The following SYT16 variants were observed in gnomAD, a reference collection of about 807,000 sequenced individuals.
SYT16 encodes synaptotagmin-16.
In SYT16, 42 loss-of-function variants were observed where a neutral mutation model predicts 61.4. The observed-to-expected ratio is 0.68, with a 90% CI of 0.53 to 0.89. The LOEUF is 0.89. Among genes scored for constraint, SYT16 ranks in the 40% least tolerant of loss-of-function variants. The probability of loss-of-function intolerance (pLI) is 0.00; values close to 1 mark genes in which losing one functional copy is unlikely to be tolerated. For synonymous variants in SYT16, 314 were observed against 302.3 expected (o/e 1.04, Z -0.40); for missense variants, 804 against 807.3 (o/e 1.00, Z 0.05).
chr14:61,897,826 C>T (rs2048376688), intron 1 of SYT16, among the ~76,000 whole-genome samples: 1 of 152,034 alleles, frequency 6.6e-6, no homozygotes, highest in Non-Finnish European at 1.5e-5. Flanking sequence ...AGAGCTTGTC[C>T]TCTTATTCTG....
At chr14:62,070,077 C>T (rs999697295) in intron 4 of SYT16, among the ~76,000 whole-genome samples, 1 of 152,096 alleles carries the variant, frequency 6.6e-6, no homozygotes, top group African/African-American at 2.4e-5. Context: ...TCTTATTGGC[C>T]ACTTCTTCCT....
At chr14:61,877,723 G>T (rs1029525517) in intron 1 of SYT16, among the ~76,000 whole-genome samples, 1 of 152,222 alleles carries the variant, frequency 6.6e-6, no homozygotes, top group African/African-American at 2.4e-5. Flanking sequence ...GGGGAGCTGT[G>T]TGTACTCAGG....
intron 6 of SYT16, among the ~76,000 whole-genome samples, chr14:62,081,598 A>G (rs545019751): frequency 8.5e-5 from 13 of 152,276 alleles, no homozygotes; most frequent in African/African-American, 2.4e-4. Context: ...CCTGCCCCCA[A>G]TCTGCATCAT....
At chr14:62,053,105 G>C (rs1238537566) in intron 3 of SYT16, among the ~76,000 whole-genome samples, 1 of 152,126 alleles carries the variant, frequency 6.6e-6, no homozygotes, top group East Asian at 1.9e-4. Context: ...AAGTGATTCT[G>C]GTAAGGGCTC....
intron 3 of SYT16, among the ~76,000 whole-genome samples, chr14:62,012,550 G>T (rs2053510767): frequency 6.6e-6 from 1 of 152,192 alleles, no homozygotes; most frequent in African/African-American, 2.4e-5. Context: ...GCTGAAGGGG[G>T]AGGGGCACCA....
chr14:61,876,732 G>A (rs2047509591), intron 1 of SYT16, among the ~76,000 whole-genome samples: 1 of 152,184 alleles, frequency 6.6e-6, no homozygotes, highest in African/African-American at 2.4e-5. Context: ...TACTGTCTGT[G>A]TGTGTGAAAT....
intron 1 of SYT16, among the ~76,000 whole-genome samples, chr14:61,943,809 T>C (rs1259198491): frequency 6.6e-6 from 1 of 152,206 alleles, no homozygotes; most frequent in East Asian, 1.9e-4. Flanking sequence ...AGCATTCCCT[T>C]TGAAAACCGG....
At chr14:61,972,936 A>G (rs759717908) in intron 2 of SYT16, among the ~76,000 whole-genome samples, 11 of 152,218 alleles carry the variant, frequency 7.2e-5, no homozygotes, top group African/African-American at 1.2e-4. Flanking sequence ...TAGGGTTACC[A>G]TAGCAACTTC....
chr14:61,935,720 C>T (rs8017591), intron 1 of SYT16, among the ~76,000 whole-genome samples: 18,823 of 152,120 alleles, frequency 0.12, 1,748 homozygotes, highest in African/African-American at 0.26. Context: ...GGCTCTAAGT[C>T]GGTAGAGTTA....
At chr14:61,833,651 C>G (rs1343352239) in intron 1 of SYT16, among the ~76,000 whole-genome samples, 1 of 140,792 alleles carries the variant, frequency 7.1e-6, no homozygotes, top group South Asian at 2.2e-4. Flanking sequence ...AACTCCTGAC[C>G]TTGTGATCCC....
At chr14:62,061,643 AAAAG>A (rs755454629) in intron 3 of SYT16, among the ~76,000 whole-genome samples, 8 of 152,202 alleles carry the variant, frequency 5.3e-5, no homozygotes, top group African/African-American at 4.8e-5. Context: ...AGTATTAGGA[AAAAG>A]AAAGAAGTAT....
intron 3 of SYT16, among the ~76,000 whole-genome samples, chr14:62,057,712 T>C (rs767220767): frequency 1.1e-4 from 16 of 152,112 alleles, no homozygotes; most frequent in Non-Finnish European, 1.8e-4. Flanking sequence ...ATCCTCTGGG[T>C]CTCGCAAAGG....
intron 3 of SYT16, among the ~76,000 whole-genome samples, chr14:62,044,808 G>C (rs1303507517): frequency 1.3e-5 from 2 of 152,140 alleles, no homozygotes; most frequent in African/African-American, 4.8e-5. Context: ...CCTAGAACCA[G>C]TCCTCTGCAT....
chr14:61,885,719 A>T (rs548756860), intron 1 of SYT16, among the ~76,000 whole-genome samples: 11 of 152,282 alleles, frequency 7.2e-5, no homozygotes, highest in African/African-American at 2.6e-4. Flanking sequence ...AGTCACATAC[A>T]TTTTTTGGTT....
intron 1 of SYT16, among the ~76,000 whole-genome samples, chr14:61,900,683 G>C (rs2048482398): frequency 6.6e-6 from 1 of 152,154 alleles, no homozygotes; most frequent in South Asian, 2.1e-4. Flanking sequence ...CTTGAGGCAG[G>C]AATTGCTCAA....
chr14:61,847,087 C>A (rs2046467173), intron 1 of SYT16, among the ~76,000 whole-genome samples: 1 of 152,124 alleles, frequency 6.6e-6, no homozygotes, highest in Non-Finnish European at 1.5e-5. Context: ...GACTAGTTTA[C>A]ACACCACAGT....
chr14:61,930,898 T>G (rs1441020744), intron 1 of SYT16, among the ~76,000 whole-genome samples: 1 of 152,224 alleles, frequency 6.6e-6, no homozygotes, highest in South Asian at 2.1e-4. Flanking sequence ...AGAAAATGGA[T>G]TCTCTTTTAG....
chr14:61,898,837 C>T (rs79736396), intron 1 of SYT16, among the ~76,000 whole-genome samples: 1,757 of 152,234 alleles, frequency 0.012, 46 homozygotes, highest in African/African-American at 0.04. Flanking sequence ...GTTGTGTCCC[C>T]GTCCAGCACA....
At chr14:62,065,741 C>T (rs1356474597) in intron 3 of SYT16, among the ~76,000 whole-genome samples, 1 of 152,154 alleles carries the variant, frequency 6.6e-6, no homozygotes, top group East Asian at 1.9e-4. Context: ...CTTAGCTGGT[C>T]CTGTACTCTA....
Sources: gnomAD v4.1 joint callset for allele counts (sites outside exome capture counted in the v4.1 genomes callset) on GRCh38, gnomAD v4.1.1 for gene constraint, MANE v1.5 for transcripts, NCBI Gene and HGNC (gene_info 2026-07-23, HGNC 2026-07-21) for gene names.